The following NCKAP5 variants were observed in gnomAD, a reference collection of about 807,000 sequenced individuals.
The protein encoded by NCKAP5 is nck-associated protein 5.
In NCKAP5, 92 loss-of-function variants were observed where a neutral mutation model predicts 167.0. That is an observed-to-expected ratio of 0.55 (90% CI 0.47 to 0.66). NCKAP5 has a LOEUF of 0.66. Ranked by LOEUF, NCKAP5 falls within the 30% of genes least tolerant of loss-of-function variation. The pLI is 0.00. For synonymous variants in NCKAP5, 891 were observed against 877.4 expected, an observed-to-expected ratio of 1.02 and a Z score of -0.27; for missense variants, 2,378 against 2,315.0, an observed-to-expected ratio of 1.03 and a Z score of -0.56.
intron 8 of NCKAP5, among the ~76,000 whole-genome samples, chr2:132,879,568 CTTA>C (rs144333935): frequency 0.022 from 3,294 of 152,236 alleles, 113 homozygotes; most frequent in African/African-American, 0.076. Context: ...TCACTGGAAG[CTTA>C]TTAGGTTTTA....
At chr2:133,472,238 TGTTTTCTCACA>T (rs1679403395) in intron 3 of NCKAP5, among the ~76,000 whole-genome samples, 1 of 152,100 alleles carries the variant, frequency 6.6e-6, no homozygotes, top group Non-Finnish European at 1.5e-5. Flanking sequence ...GAGAAAAACA[TGTTTTCTCACA>T]GTTGTAATAC....
chr2:133,378,020 G>A (rs1686270159), intron 3 of NCKAP5, among the ~76,000 whole-genome samples: 1 of 152,166 alleles, frequency 6.6e-6, no homozygotes, highest in South Asian at 2.1e-4. Flanking sequence ...TGTGTTATAT[G>A]AACCACCGGC....
At chr2:132,704,486 C>T (rs1255668593) in intron 19 of NCKAP5, among the ~76,000 whole-genome samples, 1 of 152,222 alleles carries the variant, frequency 6.6e-6, no homozygotes, top group East Asian at 1.9e-4. Flanking sequence ...CTCTTCTGCA[C>T]ATCTCCTCTG....
At chr2:133,311,023 G>A (rs1479189263) in intron 3 of NCKAP5, among the ~76,000 whole-genome samples, 1 of 152,170 alleles carries the variant, frequency 6.6e-6, no homozygotes, top group African/African-American at 2.4e-5. Context: ...CAATTCTCCA[G>A]CAGACACCAG....
In NCKAP5 at chr2:132,783,437, G is replaced by T; in HGVS notation, c.3374C>A (p.Ala1125Asp). Reference sequence around the variant, plus strand: ...ACCATGAGGGCTGTTATGGCTTTTGGCGGGTGATGAGGATGATGAGGAACT... The same window carrying T: ...ACCATGAGGGCTGTTATGGCTTTTGTCGGGTGATGAGGATGATGAGGAACT... ...VSSSSSSSSP[A>D]KSHNSPHGCQ... The change falls in exon 14 of 20, where the codon GCC (alanine) becomes GAC (aspartate). Residue 1125 changes from alanine to aspartate, a missense_variant. Ala to Asp is a moderately radical substitution (Grantham distance 126, BLOSUM62 -2). Around this residue, in one of 3 missense-constraint regions of NCKAP5, gnomAD observed 1,325 missense variants for 1,274.5 expected, o/e 1.04. Coordinates refer to ENST00000409261, the MANE Select transcript of NCKAP5 (RefSeq NM_207363.3). 1 of 1,585,844 alleles carries T rather than the reference G, an allele frequency of 6.3e-7. No homozygotes were observed. Among genetic ancestry groups the T allele is most frequent in the Middle Eastern group, 1.7e-4 (1 of 5,886 alleles).
At chr2:133,640,754 G>T in the NCKAP5 span, among the ~76,000 whole-genome samples, 2 of 152,146 alleles carry the variant, frequency 1.3e-5, no homozygotes, top group Admixed American at 1.3e-4. Context: ...TGAATAAATA[G>T]AATAAATGAA....
At chr2:132,809,841 G>A (rs1685723582) in intron 11 of NCKAP5, among the ~76,000 whole-genome samples, 1 of 152,004 alleles carries the variant, frequency 6.6e-6, no homozygotes, top group Non-Finnish European at 1.5e-5. Flanking sequence ...TTGGTTTGTT[G>A]TTTTTGCTTT....
At chr2:133,188,377 A>C (rs1006177678) in intron 5 of NCKAP5, among the ~76,000 whole-genome samples, 6 of 152,122 alleles carry the variant, frequency 3.9e-5, no homozygotes, top group African/African-American at 1.4e-4. Context: ...CAGATCAACG[A>C]GACAGAAAGT....
intron 3 of NCKAP5, among the ~76,000 whole-genome samples, chr2:133,337,652 T>C (rs780757794): frequency 6.6e-6 from 1 of 152,200 alleles, no homozygotes; most frequent in Non-Finnish European, 1.5e-5. Context: ...GAAAGATGAC[T>C]GTGTGAACAC....
chr2:132,951,328 A>C (rs1224407958), intron 8 of NCKAP5, among the ~76,000 whole-genome samples: 2 of 151,656 alleles, frequency 1.3e-5, no homozygotes, highest in African/African-American at 2.4e-5. Flanking sequence ...AGGATGTTTA[A>C]ATCTAGAAAG....
chr2:132,869,391 C>A (rs1298487806), intron 9 of NCKAP5, among the ~76,000 whole-genome samples: 1 of 152,176 alleles, frequency 6.6e-6, no homozygotes, highest in African/African-American at 2.4e-5. Flanking sequence ...GTCTATTTCA[C>A]TGCTTAATAT....
At chr2:133,335,872 G>T (rs997665321) in intron 3 of NCKAP5, among the ~76,000 whole-genome samples, 3 of 152,062 alleles carry the variant, frequency 2.0e-5, no homozygotes, top group Admixed American at 6.6e-5. Flanking sequence ...TGAAAATTGG[G>T]ACATAAATTT....
At chr2:133,464,062 T>C (rs1456271491) in intron 3 of NCKAP5, among the ~76,000 whole-genome samples, 2 of 152,184 alleles carry the variant, frequency 1.3e-5, no homozygotes, top group South Asian at 2.1e-4. Flanking sequence ...GGAGCCTGCA[T>C]GCCCCAACTT....
chr2:133,034,764 A>G (rs1471841199), intron 6 of NCKAP5, among the ~76,000 whole-genome samples: 1 of 152,064 alleles, frequency 6.6e-6, no homozygotes, highest in Non-Finnish European at 1.5e-5. Flanking sequence ...AAAACATACA[A>G]TGAATACACA....
intron 3 of NCKAP5, among the ~76,000 whole-genome samples, chr2:133,443,506 C>T (rs1332481624): frequency 6.6e-6 from 1 of 152,142 alleles, no homozygotes; most frequent in African/African-American, 2.4e-5. Flanking sequence ...CTGAGATGCT[C>T]CTCCATGGGA....
At chr2:133,514,558 G>A (rs1683819873) in intron 3 of NCKAP5, among the ~76,000 whole-genome samples, 1 of 152,162 alleles carries the variant, frequency 6.6e-6, no homozygotes, top group African/African-American at 2.4e-5. Context: ...AATAAAAAGT[G>A]TAATGAAGTT....
chr2:133,131,829 T>C (rs957339112), intron 5 of NCKAP5, among the ~76,000 whole-genome samples: 2 of 152,212 alleles, frequency 1.3e-5, no homozygotes, highest in African/African-American at 4.8e-5. Flanking sequence ...TACATTTTAC[T>C]ATAATAAAAT....
At chr2:133,489,410 T>C (rs1324346690) in intron 3 of NCKAP5, among the ~76,000 whole-genome samples, 1 of 152,208 alleles carries the variant, frequency 6.6e-6, no homozygotes, top group African/African-American at 2.4e-5. Context: ...GGATCTTTCT[T>C]AGCAGAAGTC....
In NCKAP5 at chr2:133,357,817, T is replaced by G. The variant is rs540283490; in HGVS notation, c.70-54707A>C. Among the ~76,000 whole-genome samples the G allele has an allele frequency of 2.0e-4, 31 of 152,356 alleles. No individual in the cohort carries two copies. The South Asian group carries it at 6.4e-3, about 32-fold the overall frequency. On this transcript the variant is annotated intron_variant, in intron 3 of 19. Coordinates refer to ENST00000409261, the MANE Select transcript of NCKAP5 (RefSeq NM_207363.3). Reference sequence around the variant, plus strand: ...AGTAGTCCTATTGTCTTAGAGCAAATTTTTGGGGTCATTTCACTGGCATAA... The same window carrying G: ...AGTAGTCCTATTGTCTTAGAGCAAAGTTTTGGGGTCATTTCACTGGCATAA...
Sources: gnomAD v4.1 joint callset for allele counts (sites outside exome capture counted in the v4.1 genomes callset) on GRCh38, gnomAD v4.1.1 for gene constraint, gnomAD v4.1.1 regional missense constraint, MANE v1.5 for transcripts, NCBI Gene and HGNC (gene_info 2026-07-23, HGNC 2026-07-21) for gene names.